The following ANKMY1 variants were observed in gnomAD, a reference collection of about 807,000 sequenced individuals.
ANKMY1 encodes the protein ankyrin repeat and MYND domain containing 1.
A neutral mutation model predicts 102.0 loss-of-function variants in ANKMY1; 98 were observed. That is an observed-to-expected ratio of 0.96 (90% CI 0.82 to 1.14). The LOEUF is 1.14. Ranked by LOEUF, ANKMY1 falls within the 50% of genes most tolerant of loss-of-function variation. The pLI is 0.00. For missense variants in ANKMY1, 1,330 were observed against 1,347.6 expected (o/e 0.99, Z 0.20); for synonymous variants, 582 against 559.9 (o/e 1.04, Z -0.56).
Position 240,528,692 on chromosome 2 carries a change from C to T in ANKMY1, c.953+345G>A, listed in dbSNP as rs1019843707. The stretch of plus-strand genomic sequence containing the variant: ...TCAGGAGATTCTCCCCAGCCACATC[C>T]CCCCACCAGGTTCTACACCAGCCTC... On this transcript the variant is annotated intron_variant, in intron 5 of 17. Transcript: ENST00000401804. Among the ~76,000 whole-genome samples the T allele has an allele frequency of 2.6e-5, 4 of 151,904 alleles. No homozygotes were observed. In the South Asian group the frequency reaches 8.3e-4, roughly 31 times the overall value.
intron 4 of ANKMY1, among the ~76,000 whole-genome samples, chr2:240,530,506 G>A (rs148705395): frequency 2.4e-4 from 36 of 152,218 alleles, no homozygotes; most frequent in East Asian, 1.2e-3. Context: ...CCTGCTCCCC[G>A]TTCACCTTCC....
At chr2:240,497,150 T>C (rs969024226) in intron 15 of ANKMY1, among the ~76,000 whole-genome samples, 2 of 151,988 alleles carry the variant, frequency 1.3e-5, no homozygotes, top group Non-Finnish European at 2.9e-5. Context: ...AGCCGCCACC[T>C]CCTCGCCATC....
intron 9 of ANKMY1, 53 bp from the exon 10 acceptor site, chr2:240,512,995 C>T: frequency 2.5e-6 from 4 of 1,580,722 alleles, no homozygotes; most frequent in Middle Eastern, 1.7e-4. Flanking sequence ...TAGGGAGAGA[C>T]AGGTGAGGTA....
chr2:240,501,091 C>A (rs1253056335), intron 13 of ANKMY1, among the ~76,000 whole-genome samples: 2 of 151,278 alleles, frequency 1.3e-5, no homozygotes, highest in South Asian at 2.1e-4. Context: ...TGTGTGCCTG[C>A]GTGTATGTGG....
At chr2:240,519,889 T>C (rs1559306701) in intron 9 of ANKMY1, 1 of 250,852 alleles carries the variant, frequency 4.0e-6, no homozygotes, top group African/African-American at 2.3e-5. Flanking sequence ...AAAAAAAATA[T>C]AAAATCAGAT....
chr2:240,560,326 T>G (rs1165949427), upstream of ANKMY1: 2 of 183,752 alleles, frequency 1.1e-5, no homozygotes, highest in Non-Finnish European at 2.2e-5. Flanking sequence ...GACGCCGCAG[T>G]AGAGCGGGCA....
chr2:240,557,626 C>T (rs1052713875), intron 1 of ANKMY1, among the ~76,000 whole-genome samples: 12 of 152,202 alleles, frequency 7.9e-5, no homozygotes, highest in African/African-American at 2.7e-4. Flanking sequence ...GTCGCGGCCA[C>T]GTGGCCAGGC....
At chr2:240,549,161 A>G (rs1249758764) in intron 4 of ANKMY1, among the ~76,000 whole-genome samples, 1 of 151,834 alleles carries the variant, frequency 6.6e-6, no homozygotes, top group Non-Finnish European at 1.5e-5. Context: ...TGGTACCAAA[A>G]CAGAGATATA....
At chr2:240,535,932 A>G (rs909664885) in intron 4 of ANKMY1, among the ~76,000 whole-genome samples, 2 of 152,034 alleles carry the variant, frequency 1.3e-5, no homozygotes, top group African/African-American at 4.8e-5. Flanking sequence ...TGCAAAATGC[A>G]TATTCTTTTC....
At chr2:240,530,496 C>G (rs549038125) in intron 4 of ANKMY1, among the ~76,000 whole-genome samples, 1 of 152,340 alleles carries the variant, frequency 6.6e-6, no homozygotes. Context: ...ACATGATGTG[C>G]CTGCTCCCCG....
At position 240,529,645 on chromosome 2, in the gene ANKMY1, C is replaced by T; in HGVS notation, c.481-136G>A. ...GCATGCATTCAGCCAGTAAACATCT[C>T]TGGAGGCTTAGGCTGTGCCGCCCAG... On this transcript the variant is annotated intron_variant, in intron 4 of 17. Coordinates refer to ENST00000401804, the MANE Select transcript of ANKMY1 (RefSeq NM_001282771.3). The surrounding 1 kb of genome is among the most constrained non-coding windows in gnomAD (Gnocchi z 4.2). The T allele has an allele frequency of 1.1e-6, 1 of 890,032 alleles. No individual in the cohort carries two copies. The highest frequency in any genetic ancestry group is 1.7e-6 in the Non-Finnish European group (1 of 601,794). The allele number at this position is 890,032 out of a possible 1,614,324, so 55.1% of individuals were successfully genotyped here.
chr2:240,473,868 A>C, the ANKMY1 span, among the ~76,000 whole-genome samples: 1 of 152,246 alleles, frequency 6.6e-6, no homozygotes, highest in Non-Finnish European at 1.5e-5. Context: ...ATATACCTCA[A>C]CATAATAGAG....
chr2:240,508,182 G>C (rs1034347980), intron 12 of ANKMY1, among the ~76,000 whole-genome samples: 8 of 152,240 alleles, frequency 5.3e-5, no homozygotes, highest in Admixed American at 4.6e-4. Context: ...CCTGCTGTGT[G>C]CCCAGCCGCC....
chr2:240,499,849 AG>A lies in ANKMY1; in HGVS notation c.2806+108del. ...CAAGCCGACGAGCCCAGCCCCAGGAAGGCCCCTCCAAGAGCCCCAGGGGGTC... is the reference window on the plus strand; with the variant it reads ...CAAGCCGACGAGCCCAGCCCCAGGAAGCCCCTCCAAGAGCCCCAGGGGGTC... On this transcript the variant is annotated intron_variant, in intron 15 of 17. Transcript: ENST00000401804. The surrounding 1 kb of genome is among the most constrained non-coding windows in gnomAD (Gnocchi z 4.2). 7.3e-7 allele frequency: 1 copy of A among 1,365,562 alleles called. No individual in the cohort carries two copies. 84.6% of individuals were successfully genotyped at this position (1,365,562 alleles called of 1,614,324 possible). A position where few individuals can be genotyped will look rare whatever the true frequency, so the allele number is the denominator to read the frequency against.
At chr2:240,500,621 G>T in intron 13 of ANKMY1, 56 bp from the exon 14 acceptor site, 1 of 1,506,808 alleles carries the variant, frequency 6.6e-7, no homozygotes, top group Non-Finnish European at 9.2e-7. Flanking sequence ...ACTGGGAGCA[G>T]CGGAAGCACC....
intron 11 of ANKMY1, 42 bp from the exon 12 acceptor site, chr2:240,509,497 C>T: frequency 1.4e-6 from 2 of 1,381,540 alleles, no homozygotes; most frequent in Non-Finnish European, 2.0e-6. Flanking sequence ...CACCCCCACC[C>T]ATAAGCAGCA....
chr2:240,536,586 G>C (rs1194769863), intron 4 of ANKMY1, among the ~76,000 whole-genome samples: 1 of 152,132 alleles, frequency 6.6e-6, no homozygotes, highest in East Asian at 1.9e-4. Context: ...TCAAACCCTT[G>C]AAGCAACAGA....
At position 240,520,176 on chromosome 2, in the gene ANKMY1, G is replaced by A; in HGVS notation, c.2004+186C>T. The A allele has an allele frequency of 1.1e-6, 1 of 892,510 alleles. No individual in the cohort carries two copies. The highest frequency in any genetic ancestry group is 2.0e-5 in the Admixed American group (1 of 50,086). 55.3% of individuals were successfully genotyped at this position (892,510 alleles called of 1,614,324 possible). On this transcript the variant is annotated intron_variant, in intron 9 of 17. Coordinates refer to ENST00000401804, the MANE Select transcript of ANKMY1 (RefSeq NM_001282771.3). This position sits in a 1 kb window ranked among gnomAD's most constrained non-coding sequence, Gnocchi z 4.8. ...TAGCTCGGTGTCCAAATCCTGTCTG[G>A]GGACATGGGTGAAAGAGCGGGCTGT...
intron 14 of ANKMY1, 123 bp downstream of exon 14, chr2:240,500,329 G>T: frequency 8.3e-7 from 1 of 1,209,704 alleles, no homozygotes; most frequent in Non-Finnish European, 1.2e-6. Context: ...CCAAGGGGCT[G>T]CTCTGGGGGC....
Sources: allele counts gnomAD v4.1 joint callset (sites outside exome capture counted in the v4.1 genomes callset), GRCh38; gene constraint gnomAD v4.1.1; non-coding constraint Gnocchi (gnomAD v3.1); transcripts MANE v1.5; gene names NCBI Gene and HGNC (gene_info 2026-07-23, HGNC 2026-07-21).